Variants in C16orf74 observed in about 807,000 individuals in gnomAD.
The protein encoded by C16orf74 is uncharacterized protein C16orf74.
C16orf74 carries 10 observed loss-of-function variants against 6.5 expected under a neutral mutation model. The ratio of observed to expected loss-of-function variants is 1.54; its 90% confidence interval spans 0.95 to 2.61. The LOEUF (loss-of-function observed/expected upper bound fraction) is 2.61. Among genes scored for constraint, C16orf74 ranks in the 30% most tolerant of loss-of-function variants. The pLI is 0.00. For missense variants in C16orf74, 141 were observed against 105.9 expected (o/e 1.33, Z -1.45); for synonymous variants, 60 against 42.5 (o/e 1.41, Z -1.60).
rs1378955603 is a variant in C16orf74 at position 85,733,802 on chromosome 16, G to A, written c.28+1388C>T. 1.3e-5 allele frequency among the ~76,000 whole-genome samples: 2 copies of A among 152,064 alleles called. 1 individual carries two copies. Reference sequence around the variant, plus strand: ...CCAGGTCCTGGAGAGGACGTGGGCTGTTTGTGTCTGTCCGGCATCCCATCC... The same window carrying A: ...CCAGGTCCTGGAGAGGACGTGGGCTATTTGTGTCTGTCCGGCATCCCATCC... On this transcript the variant is annotated intron_variant, in intron 2 of 3. Transcript: ENST00000284245.
At chr16:85,721,804 G>A (rs565510237) in intron 2 of C16orf74, among the ~76,000 whole-genome samples, 96 of 152,224 alleles carry the variant, frequency 6.3e-4, no homozygotes, top group Non-Finnish European at 1.1e-3. Context: ...GGGGCTACAC[G>A]GAGGGGCTCC....
intron 2 of C16orf74, among the ~76,000 whole-genome samples, chr16:85,721,470 C>A (rs2054081728): frequency 6.6e-6 from 1 of 152,184 alleles, no homozygotes; most frequent in African/African-American, 2.4e-5. Context: ...AAATGCGGGC[C>A]TTCCATCGCA....
At chr16:85,718,032 G>C (rs1173017864) in intron 2 of C16orf74, among the ~76,000 whole-genome samples, 1 of 152,210 alleles carries the variant, frequency 6.6e-6, no homozygotes, top group Non-Finnish European at 1.5e-5. Context: ...CTGGAGACAG[G>C]AGCAAGCGTG....
intron 2 of C16orf74, among the ~76,000 whole-genome samples, chr16:85,713,555 G>A (rs1419891923): frequency 6.6e-6 from 1 of 152,202 alleles, no homozygotes; most frequent in Non-Finnish European, 1.5e-5. Flanking sequence ...TCAGAGGCAT[G>A]AGCCACAGCG....
intron 2 of C16orf74, among the ~76,000 whole-genome samples, chr16:85,725,502 G>T (rs1008043402): frequency 2.0e-5 from 3 of 152,196 alleles, no homozygotes; most frequent in Non-Finnish European, 4.4e-5. Flanking sequence ...ATGGGCAGTG[G>T]CTGCATCCAT....
intron 2 of C16orf74, among the ~76,000 whole-genome samples, chr16:85,728,796 G>A (rs964350847): frequency 4.6e-5 from 7 of 152,168 alleles, no homozygotes; most frequent in Non-Finnish European, 7.3e-5. Context: ...GCCTGGGCAC[G>A]GGAAGTGACT....
chr16:85,736,303 T>C (rs935020293), intron 1 of C16orf74, among the ~76,000 whole-genome samples: 6 of 152,028 alleles, frequency 3.9e-5, no homozygotes, highest in African/African-American at 1.2e-4. Context: ...CTGGCCCTCA[T>C]GTGCAGGCTG....
intron 1 of C16orf74, among the ~76,000 whole-genome samples, chr16:85,736,320 G>A (rs915029540): frequency 1.3e-5 from 2 of 152,138 alleles, no homozygotes; most frequent in Admixed American, 6.5e-5. Context: ...GCTGTTGGTG[G>A]ATTGGTAGCA....
chr16:85,745,559 G>C (rs1161305332), intron 1 of C16orf74, among the ~76,000 whole-genome samples: 2 of 151,954 alleles, frequency 1.3e-5, no homozygotes, highest in Non-Finnish European at 2.9e-5. Flanking sequence ...GCTGGCTGGA[G>C]GGACCCTGCT....
Position 85,733,107 on chromosome 16 carries a change from C to T in C16orf74, c.28+2083G>A, listed in dbSNP as rs1368190771. On this transcript the variant is annotated intron_variant, in intron 2 of 3. Transcript: ENST00000284245. ...GATACCTCCAGGGGCCTGGTTTCTC[C>T]GTCAAAGATGTCCTGACACAATCGC... Among the ~76,000 whole-genome samples, 6 of 152,160 alleles carry T rather than the reference C, an allele frequency of 3.9e-5. No homozygotes were observed. In the East Asian group the frequency reaches 7.7e-4, roughly 20 times the overall value.
In C16orf74 at chr16:85,747,108, C is replaced by T. The variant is rs181629680; in HGVS notation, c.-19+3818G>A. On this transcript the variant is annotated intron_variant, in intron 1 of 3. Coordinates refer to ENST00000284245, the MANE Select transcript of C16orf74 (RefSeq NM_206967.3). The stretch of plus-strand genomic sequence containing the variant: ...CCTGCTTGGCCTCCCACGGATGAGC[C>T]GTGTGACTCACAGCAAAATACTTGC... Among the ~76,000 whole-genome samples the T allele has an allele frequency of 2.6e-5, 4 of 152,220 alleles. No individual in the cohort carries two copies. In the East Asian group the frequency reaches 5.8e-4, roughly 22 times the overall value.
At position 85,742,359 on chromosome 16, in the gene C16orf74, C is replaced by T. The variant is rs367736904; in HGVS notation, c.-18-7124G>A. On this transcript the variant is annotated intron_variant, in intron 1 of 3. Coordinates refer to ENST00000284245, the MANE Select transcript of C16orf74 (RefSeq NM_206967.3). ...CTGCACTCCATCCTGGGTGACAGAG[C>T]GAGACTCCGTCTCAGAAAAAATAAA... Among the ~76,000 whole-genome samples, 16 of 152,094 alleles carry T rather than the reference C, an allele frequency of 1.1e-4. No homozygotes were observed. The East Asian group carries it at 2.1e-3, about 20-fold the overall frequency.
At chr16:85,728,215 T>G (rs2054153459) in intron 2 of C16orf74, among the ~76,000 whole-genome samples, 1 of 152,190 alleles carries the variant, frequency 6.6e-6, no homozygotes, top group African/African-American at 2.4e-5. Flanking sequence ...TTGTATTGAT[T>G]GGTTTGCTGT....
intron 2 of C16orf74, among the ~76,000 whole-genome samples, chr16:85,717,993 G>A (rs958439381): frequency 1.3e-5 from 2 of 152,220 alleles, no homozygotes; most frequent in African/African-American, 2.4e-5. Flanking sequence ...GTGAACTCCC[G>A]GCCGCCCAGA....
intron 2 of C16orf74, among the ~76,000 whole-genome samples, chr16:85,727,082 A>G (rs2054141318): frequency 6.6e-6 from 1 of 152,190 alleles, no homozygotes; most frequent in Non-Finnish European, 1.5e-5. Context: ...TGCCTTGTTC[A>G]TCCCTGTAGC....
chr16:85,717,355 G>T (rs1479171744), intron 2 of C16orf74, among the ~76,000 whole-genome samples: 1 of 152,218 alleles, frequency 6.6e-6, no homozygotes, highest in Non-Finnish European at 1.5e-5. Context: ...AAGGCTCTGT[G>T]AGAAGTGCCA....
intron 3 of C16orf74, among the ~76,000 whole-genome samples, chr16:85,709,211 G>A (rs2053942753): frequency 6.6e-6 from 1 of 152,172 alleles, no homozygotes; most frequent in South Asian, 2.1e-4. Flanking sequence ...AAAATTAGCT[G>A]GGCGTGGTGG....
At chr16:85,734,779 C>T (rs1490709527) in intron 2 of C16orf74, among the ~76,000 whole-genome samples, 2 of 152,158 alleles carry the variant, frequency 1.3e-5, no homozygotes, top group African/African-American at 2.4e-5. Context: ...AACTTTCTCC[C>T]GCTGGCCTTC....
At chr16:85,724,002 ATTTT>A (rs60492430) in intron 2 of C16orf74, among the ~76,000 whole-genome samples, 1 of 150,006 alleles carries the variant, frequency 6.7e-6, no homozygotes, top group African/African-American at 2.5e-5. Flanking sequence ...ACTTCCTTCG[ATTTT>A]TTTTTTCTTT....
Sources: gnomAD v4.1 joint callset for allele counts (sites outside exome capture counted in the v4.1 genomes callset) on GRCh38, gnomAD v4.1.1 for gene constraint, MANE v1.5 for transcripts, NCBI Gene and HGNC (gene_info 2026-07-23, HGNC 2026-07-21) for gene names.